The following NUBP2 variants were observed in gnomAD, a reference collection of about 807,000 sequenced individuals.
The protein encoded by NUBP2 is NUBP iron-sulfur cluster assembly factor 2, cytosolic.
NUBP2 carries 23 observed loss-of-function variants against 24.9 expected under a neutral mutation model. That is an observed-to-expected ratio of 0.92 (90% CI 0.66 to 1.31). The LOEUF is 1.31. Among genes scored for constraint, NUBP2 ranks in the 50% most tolerant of loss-of-function variants. The probability of loss-of-function intolerance (pLI) is 0.00; values close to 1 mark genes in which losing one functional copy is unlikely to be tolerated. For missense variants in NUBP2, 403 were observed against 386.5 expected (o/e 1.04, Z -0.36); for synonymous variants, 186 against 170.9 (o/e 1.09, Z -0.69).
At chr16:1,785,322 G>T in intron 1 of NUBP2, 2 of 1,083,668 alleles carry the variant, frequency 1.8e-6, no homozygotes, top group Non-Finnish European at 2.3e-6. Context: ...CCTCAGGGTT[G>T]TTGTCCCGGT....
chr16:1,786,124 G>T, intron 1 of NUBP2: 1 of 492,716 alleles, frequency 2.0e-6, no homozygotes, highest in Non-Finnish European at 3.1e-6. Flanking sequence ...CCTCTGCCGA[G>T]CCCAGGTGCA....
In NUBP2 at chr16:1,786,641, C is replaced by A; in HGVS notation, c.121C>A (p.His41Asn). Residue 41 changes from histidine to asparagine, a missense_variant, in exon 2 of 7, where the codon CAT becomes AAT. Coordinates refer to ENST00000262302, the MANE Select transcript of NUBP2 (RefSeq NM_012225.4). ...ISTELALALR[H>N]AGKKVGILDV... ...CACGGAGCTGGCCCTGGCACTGCGCCATGCAGGCAAGAAGGTGAGCGCCCT... is the reference window on the plus strand; with the variant it reads ...CACGGAGCTGGCCCTGGCACTGCGCAATGCAGGCAAGAAGGTGAGCGCCCT... 1.2e-6 allele frequency: 2 copies of A among 1,612,792 alleles called. No individual in the cohort carries two copies.
At position 1,787,553 on chromosome 16, in the gene NUBP2, C is replaced by T. The variant is rs1897035506; in HGVS notation, c.335-124C>T. ...GCCTCCCGAGAGCCTGTGATGGAGG[C>T]TGGTGGCAAGTGACACCTGATGGAC... On this transcript the variant is annotated intron_variant, in intron 3 of 6. Transcript: ENST00000262302. The T allele has an allele frequency of 8.6e-6, 11 of 1,285,428 alleles. No homozygotes were observed. In the Admixed American group the frequency reaches 1.7e-4, roughly 20 times the overall value. 79.6% of individuals were successfully genotyped at this position (1,285,428 alleles called of 1,614,324 possible).
intron 1 of NUBP2, chr16:1,783,356 C>T (rs1043776393): frequency 9.1e-7 from 1 of 1,095,314 alleles, no homozygotes. Context: ...TCCTGGAGGT[C>T]GCGGTTGCAA....
At chr16:1,783,495 G>A (rs2141997348) in intron 1 of NUBP2, 1 of 989,290 alleles carries the variant, frequency 1.0e-6, no homozygotes. Flanking sequence ...CGCTCTCAGT[G>A]TTCAGAAAAG....
intron 3 of NUBP2, chr16:1,787,427 T>C (rs1897028492): frequency 5.2e-6 from 3 of 572,328 alleles, no homozygotes; most frequent in Admixed American, 6.1e-5. Flanking sequence ...ATTTGGGGCC[T>C]CGGGGAGTCA....
chr16:1,783,403 CTAAA>C (rs1240174833), intron 1 of NUBP2: 1 of 1,044,768 alleles, frequency 9.6e-7, no homozygotes. Context: ...GACCCTGTCT[CTAAA>C]TAAATCACAC....
rs200434981 is a variant in NUBP2 at position 1,788,051 on chromosome 16, G to T, written c.600G>T (p.Thr200=). ...NMSGFTCPHC[T]ECTSVFSRGG... is the part of the protein sequence containing the mutation. Reference sequence around the variant, plus strand: ...GCGGCTTCACCTGCCCACACTGCACGGTGAGTCCCGGGGGTTGCAGAGGGG... The same window carrying T: ...GCGGCTTCACCTGCCCACACTGCACTGTGAGTCCCGGGGGTTGCAGAGGGG... Residue 200 remains threonine, a splice_region_variant and synonymous_variant, in exon 5 of 7, where the codon ACG becomes ACT. Transcript: ENST00000262302. 4 of 1,588,416 alleles carry T rather than the reference G, an allele frequency of 2.5e-6. No individual in the cohort carries two copies. The South Asian group carries it at 4.5e-5, about 18-fold the overall frequency.
In NUBP2 at chr16:1,788,829, GTCAGCC is replaced by G; in HGVS notation, c.*116_*121del. 7.6e-7 allele frequency: 1 copy of G among 1,321,694 alleles called. No homozygotes were observed. Among genetic ancestry groups the G allele is most frequent in the African/African-American group, 1.5e-5 (1 of 67,132 alleles). 81.9% of individuals were successfully genotyped at this position (1,321,694 alleles called of 1,614,324 possible). A position where few individuals can be genotyped will look rare whatever the true frequency, so the allele number is the denominator to read the frequency against. On this transcript the variant is annotated 3_prime_UTR_variant, in exon 7 of 7. Transcript: ENST00000262302. ...CCCTGCAGGGGCAGGCCCAGGCAGC[GTCAGCC>G]GGAGAGCTTCTCCCCGACCAGCCCA... is the stretch of plus-strand genomic sequence containing the variant.
At chr16:1,784,237 G>C (rs1488935180) in intron 1 of NUBP2, among the ~76,000 whole-genome samples, 1 of 151,852 alleles carries the variant, frequency 6.6e-6, no homozygotes, top group Non-Finnish European at 1.5e-5. Context: ...ACCACAGGAT[G>C]CACCACCCCG....
At chr16:1,787,304 T>G in intron 3 of NUBP2, 1 of 403,130 alleles carries the variant, frequency 2.5e-6, no homozygotes, top group South Asian at 4.4e-5. Flanking sequence ...AGGGAGAGGC[T>G]GGTGGGAGTG....
intron 1 of NUBP2, chr16:1,785,072 CT>C (rs924294131): frequency 6.1e-6 from 6 of 984,654 alleles, no homozygotes; most frequent in Admixed American, 1.2e-4. Context: ...TATACATTTA[CT>C]GTAAAAATAT....
In NUBP2 at chr16:1,788,592, C is replaced by A. The variant is rs1467125564; in HGVS notation, c.694C>A (p.Leu232Ile). Residue 232 changes from leucine (L) to isoleucine (I), a missense_variant, in exon 7 of 7, where the codon CTC becomes ATC. Leu to Ile is a conservative substitution (Grantham distance 5). Coordinates refer to ENST00000262302, the MANE Select transcript of NUBP2 (RefSeq NM_012225.4). Reference sequence around the variant, plus strand: ...AGGCTCCGTGCCCCTGGACCCTGCGCTCATGAGGACCCTGGAGGAGGGCCA... The same window carrying A: ...AGGCTCCGTGCCCCTGGACCCTGCGATCATGAGGACCCTGGAGGAGGGCCA... Reference protein sequence around the residue: ...FLGSVPLDPALMRTLEEGHDF... With the variant: ...FLGSVPLDPAIMRTLEEGHDF... 6.2e-7 allele frequency: 1 copy of A among 1,608,800 alleles called. No homozygotes were observed. The highest frequency in any genetic ancestry group is 1.3e-5 in the African/African-American group (1 of 74,968).
Position 1,788,781 on chromosome 16 carries a change from G to A in NUBP2, c.*67G>A. On this transcript the variant is annotated 3_prime_UTR_variant, in exon 7 of 7. Transcript: ENST00000262302. Reference sequence around the variant, plus strand: ...TCTGCTCCAGCCTCTCAGAGAAACAGAGGCCTGGGCTCGGTTCCCGGGCCC... The same window carrying A: ...TCTGCTCCAGCCTCTCAGAGAAACAAAGGCCTGGGCTCGGTTCCCGGGCCC... 1 of 1,529,494 alleles carries A rather than the reference G, an allele frequency of 6.5e-7. No homozygotes were observed. Among genetic ancestry groups the A allele is most frequent in the South Asian group, 1.3e-5 (1 of 79,598 alleles). The allele number at this position is 1,529,494 out of a possible 1,614,324, so 94.7% of individuals were successfully genotyped here. A position where few individuals can be genotyped will look rare whatever the true frequency, so the allele number is the denominator to read the frequency against.
chr16:1,785,035 G>A (rs1045758695), intron 1 of NUBP2: 141 of 963,592 alleles, frequency 1.5e-4, no homozygotes, highest in Non-Finnish European at 1.5e-4. Context: ...CTGGGCGACA[G>A]AATGAGACCC....
rs1205383736 is a variant in NUBP2, at chr16:1,782,971, G to T, written c.-50G>T. 40 of 1,410,230 alleles carry T rather than the reference G, an allele frequency of 2.8e-5. No individual in the cohort carries two copies. Among genetic ancestry groups the T allele is most frequent in the Non-Finnish European group, 3.4e-5 (37 of 1,081,504 alleles). The allele number at this position is 1,410,230 out of a possible 1,614,324, so 87.4% of individuals were successfully genotyped here. On this transcript the variant is annotated 5_prime_UTR_variant, in exon 1 of 7. Coordinates refer to ENST00000262302, the MANE Select transcript of NUBP2 (RefSeq NM_012225.4). Reference sequence around the variant, plus strand: ...CCTTCGCTCTAGCTGGGAGGCTGACGGCCCGCGGGCGTAAGCGGACTGCAG... The same window carrying T: ...CCTTCGCTCTAGCTGGGAGGCTGACTGCCCGCGGGCGTAAGCGGACTGCAG...
Position 1,787,951 on chromosome 16 carries a change from TG to T in NUBP2, c.505del (p.Asp169ThrfsTer2). The T allele has an allele frequency of 6.2e-7, 1 of 1,604,596 alleles. No individual in the cohort carries two copies. Among genetic ancestry groups the T allele is most frequent in the Non-Finnish European group, 8.5e-7 (1 of 1,177,074 alleles). On this transcript the variant is annotated frameshift_variant, in exon 5 of 7. Coordinates refer to ENST00000262302, the MANE Select transcript of NUBP2 (RefSeq NM_012225.4). LOFTEE classifies it high-confidence loss of function. ...GCTCCTGCCCCGCAGGCGGTGTCCG[TG>T]GGGGACGTGAGGCGCGAGCTGACCT... is the stretch of plus-strand genomic sequence containing the variant. ...LVVTTPQAVS[V>X]GDVRRELTFC...
chr16:1,783,393 G>A, intron 1 of NUBP2: 1 of 1,058,622 alleles, frequency 9.4e-7, no homozygotes, highest in Non-Finnish European at 1.1e-6. Flanking sequence ...GCAAGAGCGA[G>A]ACCCTGTCTC....
In NUBP2 at chr16:1,787,048, G is replaced by T; in HGVS notation, c.334+93G>T. 4 of 1,264,146 alleles carry T rather than the reference G, an allele frequency of 3.2e-6. No homozygotes were observed. In the South Asian group the frequency reaches 6.6e-5, roughly 21 times the overall value. The allele number at this position is 1,264,146 out of a possible 1,614,324, so 78.3% of individuals were successfully genotyped here. On this transcript the variant is annotated intron_variant, in intron 3 of 6. Transcript: ENST00000262302. ...GGAAATGTTCCTCTTCAGCAGCCAG[G>T]CCTGTTCCTGGGGACCTGCACATGA... is the stretch of plus-strand genomic sequence containing the variant.
Sources: gnomAD v4.1 joint callset for allele counts (sites outside exome capture counted in the v4.1 genomes callset) on GRCh38, gnomAD v4.1.1 for gene constraint, MANE v1.5 for transcripts, NCBI Gene and HGNC (gene_info 2026-07-23, HGNC 2026-07-21) for gene names.